The following PLEKHA1 variants were observed in gnomAD, a reference collection of about 807,000 sequenced individuals.
PLEKHA1 encodes pleckstrin homology domain-containing family A member 1.
Under a neutral mutation model 52.0 loss-of-function variants are expected in PLEKHA1, and 34 were observed. The ratio of observed to expected loss-of-function variants is 0.65; its 90% CI spans 0.50 to 0.87. The LOEUF (loss-of-function observed/expected upper bound fraction) is 0.87. PLEKHA1 is among the 40% of genes least tolerant of loss of function. PLEKHA1 has a pLI of 0.00. For missense variants in PLEKHA1, 497 were observed against 504.2 expected (o/e 0.99, Z 0.14); for synonymous variants, 163 against 170.7 (o/e 0.95, Z 0.35).
At position 122,411,404 on chromosome 10, in the gene PLEKHA1, A is replaced by T. The variant is rs139633829; in HGVS notation, c.343-1516A>T. On this transcript the variant is annotated intron_variant, in intron 5 of 11. Transcript: ENST00000368990. The stretch of plus-strand genomic sequence containing the variant: ...TCAGCATCCTTTCATATACACATGG[A>T]CCATGTTTGCTCAATATTTTGCAGA... Among the ~76,000 whole-genome samples the T allele has an allele frequency of 5.3e-5, 8 of 152,298 alleles. No individual in the cohort carries two copies. The East Asian group carries it at 1.4e-3, about 26-fold the overall frequency.
At chr10:122,380,674 T>C (rs1198045272) in intron 1 of PLEKHA1, among the ~76,000 whole-genome samples, 1 of 152,096 alleles carries the variant, frequency 6.6e-6, no homozygotes, top group Non-Finnish European at 1.5e-5. Flanking sequence ...TGGGATCCCA[T>C]TGAAACAGGT....
In PLEKHA1 at chr10:122,430,829, T is replaced by C. The variant is rs1264111518; in HGVS notation, c.*891T>C. The C allele has an allele frequency of 1.3e-5, 2 of 152,458 alleles. No individual in the cohort carries two copies. The highest frequency in any genetic ancestry group is 1.5e-5 in the Non-Finnish European group (1 of 68,036). The allele number at this position is 152,458 out of a possible 1,614,324, so 9.4% of individuals were successfully genotyped here. A position where few individuals can be genotyped will look rare whatever the true frequency, so the allele number is the denominator to read the frequency against. ...TTGTCACTAATAGCCTACATTCAAG[T>C]GCCTGTGTTTTTTCATCTTGTTTAG... On this transcript the variant is annotated 3_prime_UTR_variant, in exon 12 of 12. Transcript: ENST00000368990.
chr10:122,417,806 T>A (rs751205854), intron 7 of PLEKHA1, 94 bp from the exon 8 acceptor site: 13 of 877,722 alleles, frequency 1.5e-5, no homozygotes, highest in Non-Finnish European at 2.4e-5. Flanking sequence ...GCTTGGCATG[T>A]CTGATTGTGG....
At chr10:122,406,050 A>G (rs2097009090) in intron 4 of PLEKHA1, among the ~76,000 whole-genome samples, 1 of 152,176 alleles carries the variant, frequency 6.6e-6, no homozygotes. Context: ...AAAACTAGAA[A>G]CTAGAGGTAT....
At chr10:122,426,906 G>GA in intron 10 of PLEKHA1, 36 bp from the exon 11 acceptor site, 6 of 1,552,748 alleles carry the variant, frequency 3.9e-6, no homozygotes, top group Non-Finnish European at 1.8e-6. Context: ...GTGATTTTGA[G>GA]AAAAAATTGT....
intron 10 of PLEKHA1, chr10:122,425,713 C>CAAAAAAAAAAAAAAAAA (rs11367637): frequency 1.0e-5 from 1 of 99,308 alleles, no homozygotes; most frequent in African/African-American, 3.9e-5. Flanking sequence ...GACCCTGTCT[C>CAAAAAAAAAAAAAAAAA]AAAAAAAAAA....
At chr10:122,409,500 T>C (rs576783312) in intron 5 of PLEKHA1, among the ~76,000 whole-genome samples, 1 of 152,256 alleles carries the variant, frequency 6.6e-6, no homozygotes, top group Admixed American at 6.5e-5. Flanking sequence ...CCTTATTGAT[T>C]ATTAAGGAAT....
Position 122,393,152 on chromosome 10 carries a change from A to G in PLEKHA1, c.-20-29A>G, listed in dbSNP as rs777813294. ...AGAAATACTTTCCTGTTTCATAGGG[A>G]GCTTACTGTTAATATTTTTATTTTA... On this transcript the variant is annotated intron_variant, in intron 1 of 11. Coordinates refer to ENST00000368990, the MANE Select transcript of PLEKHA1 (RefSeq NM_001001974.4). This position sits in a 1 kb window ranked among gnomAD's most constrained non-coding sequence, Gnocchi z 4.5. 3 of 1,533,718 alleles carry G rather than the reference A, an allele frequency of 2.0e-6. No individual in the cohort carries two copies. The highest frequency in any genetic ancestry group is 1.4e-5 in the African/African-American group (1 of 72,134).
downstream of PLEKHA1, chr10:122,435,474 CTGTT>C (rs1443596175): frequency 6.6e-6 from 1 of 152,080 alleles, no homozygotes; most frequent in African/African-American, 2.4e-5. Flanking sequence ...AATTTGGAGT[CTGTT>C]TATTGCCTCC....
chr10:122,398,532 C>G (rs1420483439), intron 3 of PLEKHA1, among the ~76,000 whole-genome samples: 1 of 148,628 alleles, frequency 6.7e-6, no homozygotes. Flanking sequence ...ACATTTTTTT[C>G]TTATTTTCTT....
chr10:122,411,695 CACTCTAAAGTTTGAG>C (rs1471865112), intron 5 of PLEKHA1: 20 of 152,204 alleles, frequency 1.3e-4, no homozygotes, highest in Admixed American at 1.3e-3. Flanking sequence ...ATACTTTATG[CACTCTAAAGTTTGAG>C]AAATCACACT....
At chr10:122,384,346 C>G (rs549373468) in intron 1 of PLEKHA1, among the ~76,000 whole-genome samples, 8 of 152,146 alleles carry the variant, frequency 5.3e-5, no homozygotes, top group Non-Finnish European at 1.2e-4. Flanking sequence ...CGGTGGCTCA[C>G]GCCTGTAATC....
At chr10:122,426,461 G>A (rs1237234425) in intron 10 of PLEKHA1, among the ~76,000 whole-genome samples, 1 of 152,162 alleles carries the variant, frequency 6.6e-6, no homozygotes, top group African/African-American at 2.4e-5. Flanking sequence ...TAATTTCATA[G>A]TAAGGTTTAA....
rs2097398338 is a variant in PLEKHA1, at chr10:122,429,668, T to C, written c.945T>C (p.Pro315=). Residue 315 remains proline (P), a synonymous_variant, in exon 12 of 12, where the codon CCT becomes CCC. Coordinates refer to ENST00000368990, the MANE Select transcript of PLEKHA1 (RefSeq NM_001001974.4). ...CAGAATCCAAACACGCTTTCCGTCC[T>C]ACCAACGCAGCCACCGCCACCTCAC... ...GPSESKHAFR[P]TNAATATSHS... is the part of the protein sequence containing the mutation. 6.2e-7 allele frequency: 1 copy of C among 1,613,974 alleles called. No homozygotes were observed. Among genetic ancestry groups the C allele is most frequent in the Non-Finnish European group, 8.5e-7 (1 of 1,180,014 alleles).
chr10:122,421,400 T>C (rs2097257966), intron 8 of PLEKHA1: 1 of 152,046 alleles, frequency 6.6e-6, no homozygotes, highest in Admixed American at 6.6e-5. Context: ...GGAAAGAAAA[T>C]ATTTGACAAG....
At position 122,418,082 on chromosome 10, in the gene PLEKHA1, A is replaced by G. The variant is rs1224703159; in HGVS notation, c.681+114A>G. ...TAGTTTCAGAATAAGTCTAGTTTTT[A>G]GAGGTAAATATAGTTTATTTGGTTG... On this transcript the variant is annotated intron_variant, in intron 8 of 11. Transcript: ENST00000368990. The G allele has an allele frequency of 5.5e-6, 4 of 721,464 alleles. No individual in the cohort carries two copies. The African/African-American group carries it at 7.2e-5, about 13-fold the overall frequency. The allele number at this position is 721,464 out of a possible 1,614,324, so 44.7% of individuals were successfully genotyped here. A position where few individuals can be genotyped will look rare whatever the true frequency, so the allele number is the denominator to read the frequency against.
At chr10:122,394,069 CTTTTTTTTTTTT>C (rs796831792) in intron 2 of PLEKHA1, among the ~76,000 whole-genome samples, 9,446 of 97,296 alleles carry the variant, frequency 0.097, 1,164 homozygotes, top group African/African-American at 0.31. Flanking sequence ...ACTTTCTCTA[CTTTTTTTTTTTT>C]TTTTTTTTTT....
At chr10:122,376,167 C>G (rs1382757780) in intron 1 of PLEKHA1, among the ~76,000 whole-genome samples, 1 of 151,980 alleles carries the variant, frequency 6.6e-6, no homozygotes, top group African/African-American at 2.4e-5. Context: ...CTTGAAGACC[C>G]GTTATATTAA....
At chr10:122,438,907 T>C in the PLEKHA1 span, 2 of 152,116 alleles carry the variant, frequency 1.3e-5, no homozygotes, top group East Asian at 1.9e-4. Context: ...ATAATGTTTT[T>C]AAGAAAGTTT....
Sources: gnomAD v4.1 joint callset for allele counts (sites outside exome capture counted in the v4.1 genomes callset) on GRCh38, gnomAD v4.1.1 for gene constraint, Gnocchi (gnomAD v3.1) non-coding constraint, MANE v1.5 for transcripts, NCBI Gene and HGNC (gene_info 2026-07-23, HGNC 2026-07-21) for gene names.